ATRNL1: variants seen among roughly 807,000 people sequenced by gnomAD.
ATRNL1 encodes attractin like 1.
Under a neutral mutation model 182.7 loss-of-function variants are expected in ATRNL1, and 95 were observed. That is an observed-to-expected ratio of 0.52 (90% confidence interval 0.44 to 0.62). The LOEUF is 0.62. ATRNL1 is among the 20% of genes least tolerant of loss of function. The probability of loss-of-function intolerance (pLI) is 0.00; values close to 1 mark genes in which losing one functional copy is unlikely to be tolerated. For missense variants in ATRNL1, 1,471 were observed against 1,679.5 expected, an observed-to-expected ratio of 0.88 and a Z score of 2.17; for synonymous variants, 576 against 568.3, an observed-to-expected ratio of 1.01 and a Z score of -0.19.
intron 2 of ATRNL1, among the ~76,000 whole-genome samples, chr10:115,120,702 G>A (rs1412591667): frequency 6.6e-6 from 1 of 152,044 alleles, no homozygotes; most frequent in Non-Finnish European, 1.5e-5. Context: ...AGTAGGGCTT[G>A]AAACAATCTA....
At chr10:115,593,184 C>T (rs1400332070) in intron 26 of ATRNL1, among the ~76,000 whole-genome samples, 1 of 152,154 alleles carries the variant, frequency 6.6e-6, no homozygotes, top group Non-Finnish European at 1.5e-5. Context: ...ATAATAAGCC[C>T]ATTCTCATGG....
At chr10:115,905,709 A>G (rs782453955) in intron 28 of ATRNL1, among the ~76,000 whole-genome samples, 1 of 152,200 alleles carries the variant, frequency 6.6e-6, no homozygotes, top group African/African-American at 2.4e-5. Context: ...GTTCTTGAAA[A>G]TGGTCTACTC....
At chr10:115,316,642 T>G (rs781974697) in intron 18 of ATRNL1, among the ~76,000 whole-genome samples, 3 of 152,224 alleles carry the variant, frequency 2.0e-5, no homozygotes, top group Admixed American at 6.5e-5. Context: ...GTGGTTTTGA[T>G]TTGCATTTCT....
intron 24 of ATRNL1, among the ~76,000 whole-genome samples, chr10:115,505,283 A>G (rs1325804854): frequency 6.3e-5 from 1 of 15,802 alleles, no homozygotes; most frequent in East Asian, 4.2e-4. Flanking sequence ...TTAGACTAGC[A>G]TGGCATCCAT....
At chr10:115,768,568 C>G (rs1948914819) in intron 27 of ATRNL1, among the ~76,000 whole-genome samples, 1 of 152,052 alleles carries the variant, frequency 6.6e-6, no homozygotes, top group African/African-American at 2.4e-5. Context: ...TTCTTGGTTA[C>G]AAGAGAATAT....
chr10:115,520,732 C>T (rs1278764839), intron 25 of ATRNL1, among the ~76,000 whole-genome samples: 9 of 152,160 alleles, frequency 5.9e-5, no homozygotes, highest in Admixed American at 5.2e-4. Flanking sequence ...ATAACAATTT[C>T]AATTTCTCAT....
chr10:115,203,161 A>T (rs1389594699), intron 8 of ATRNL1, among the ~76,000 whole-genome samples: 1 of 152,190 alleles, frequency 6.6e-6, no homozygotes, highest in African/African-American at 2.4e-5. Flanking sequence ...AACCAGAAGC[A>T]GGGTTCAAAA....
At chr10:115,581,466 C>T (rs1045282122) in intron 26 of ATRNL1, among the ~76,000 whole-genome samples, 15 of 152,058 alleles carry the variant, frequency 9.9e-5, no homozygotes, top group Non-Finnish European at 1.6e-4. Flanking sequence ...ACTACACACT[C>T]TGATCTAGAT....
chr10:115,336,563 C>G (rs1187021071), intron 19 of ATRNL1, among the ~76,000 whole-genome samples: 1 of 152,104 alleles, frequency 6.6e-6, no homozygotes, highest in Non-Finnish European at 1.5e-5. Flanking sequence ...GAGATGTTTT[C>G]ATTCACATTA....
At chr10:115,934,745 C>T (rs1382657292) in intron 28 of ATRNL1, among the ~76,000 whole-genome samples, 7 of 152,142 alleles carry the variant, frequency 4.6e-5, no homozygotes, top group African/African-American at 1.7e-4. Flanking sequence ...TCTGATTATG[C>T]CTCTCTACTC....
At chr10:115,600,921 T>A (rs1400781870) in intron 26 of ATRNL1, among the ~76,000 whole-genome samples, 2 of 92,754 alleles carry the variant, frequency 2.2e-5, no homozygotes, top group South Asian at 8.4e-4. Flanking sequence ...ATTGAGGTTT[T>A]TTATTTTCTT....
At chr10:115,557,077 A>G (rs1363180820) in intron 26 of ATRNL1, among the ~76,000 whole-genome samples, 1 of 152,118 alleles carries the variant, frequency 6.6e-6, no homozygotes, top group African/African-American at 2.4e-5. Flanking sequence ...AAACTGTAGA[A>G]GGGTTTCCAA....
chr10:115,713,609 T>TTA (rs1489849633), intron 26 of ATRNL1, among the ~76,000 whole-genome samples: 2 of 5,328 alleles, frequency 3.8e-4, no homozygotes, highest in African/African-American at 4.1e-4. Context: ...CACATTCTGT[T>TTA]TATATATATA....
chr10:115,598,169 C>T (rs970926110), intron 26 of ATRNL1, among the ~76,000 whole-genome samples: 5 of 151,276 alleles, frequency 3.3e-5, no homozygotes, highest in South Asian at 4.2e-4. Context: ...AAAACAATAG[C>T]ATCAGCATAT....
intron 19 of ATRNL1, among the ~76,000 whole-genome samples, chr10:115,387,173 G>A (rs1019217097): frequency 3.3e-5 from 5 of 151,962 alleles, no homozygotes; most frequent in Admixed American, 6.6e-5. Context: ...GTAAACTATC[G>A]CAAGGACAAA....
At chr10:115,161,378 G>A (rs1846775603) in intron 6 of ATRNL1, among the ~76,000 whole-genome samples, 3 of 151,878 alleles carry the variant, frequency 2.0e-5, no homozygotes, top group Admixed American at 2.0e-4. Flanking sequence ...GAGTTGGTGG[G>A]ATTAAAATGA....
chr10:115,238,372 C>T (rs1554901996), intron 9 of ATRNL1, among the ~76,000 whole-genome samples: 2 of 152,090 alleles, frequency 1.3e-5, no homozygotes, highest in South Asian at 2.1e-4. Flanking sequence ...ATTAGTTTTC[C>T]TATCTGTGTT....
At chr10:115,405,740 G>C (rs569448844) in intron 20 of ATRNL1, among the ~76,000 whole-genome samples, 1 of 150,874 alleles carries the variant, frequency 6.6e-6, no homozygotes, top group South Asian at 2.1e-4. Flanking sequence ...CGTGCACAAC[G>C]TGCAGGTTAG....
chr10:115,254,667 T>G (rs1554906276), intron 10 of ATRNL1, among the ~76,000 whole-genome samples: 2 of 152,230 alleles, frequency 1.3e-5, no homozygotes, highest in Non-Finnish European at 2.9e-5. Flanking sequence ...AATTTTGGCT[T>G]TTGTTGCCAT....
Sources: gnomAD v4.1 joint callset for allele counts (sites outside exome capture counted in the v4.1 genomes callset) on GRCh38, gnomAD v4.1.1 for gene constraint, MANE v1.5 for transcripts, NCBI Gene and HGNC (gene_info 2026-07-23, HGNC 2026-07-21) for gene names.